ZFHX3: variants seen among roughly 807,000 people sequenced by gnomAD.
ZFHX3 encodes the protein zinc finger homeobox 3.
Under a neutral mutation model 279.1 loss-of-function variants are expected in ZFHX3, and 42 were observed. The ratio of observed to expected loss-of-function variants is 0.15; its 90% CI spans 0.12 to 0.19. The LOEUF is 0.19. ZFHX3 is among the 10% of genes least tolerant of loss of function. ZFHX3 has a pLI of 1.00. For synonymous variants in ZFHX3, 2,293 were observed against 1,957.8 expected (o/e 1.17, Z -4.52); for missense variants, 4,981 against 4,754.0 (o/e 1.05, Z -1.40).
At chr16:73,556,621 G>A (rs577319459) in intron 2 of ZFHX3, among the ~76,000 whole-genome samples, 1 of 152,160 alleles carries the variant, frequency 6.6e-6, no homozygotes, top group South Asian at 2.1e-4. Flanking sequence ...CATGGGGAGG[G>A]TTAGGAAAGA....
At chr16:73,007,742 C>A (rs529296864) in intron 1 of ZFHX3, among the ~76,000 whole-genome samples, 1 of 152,136 alleles carries the variant, frequency 6.6e-6, no homozygotes, top group Non-Finnish European at 1.5e-5. Context: ...AGCCACCGCG[C>A]AAGGCCAGAA....
At chr16:73,792,016 C>A (rs751804369) in intron 1 of ZFHX3, among the ~76,000 whole-genome samples, 1 of 152,110 alleles carries the variant, frequency 6.6e-6, no homozygotes, top group Non-Finnish European at 1.5e-5. Context: ...AATGGCAGAG[C>A]CAGAATGAAG....
intron 3 of ZFHX3, among the ~76,000 whole-genome samples, chr16:73,448,724 C>T (rs1017865625): frequency 6.1e-4 from 39 of 63,874 alleles, no homozygotes; most frequent in African/African-American, 1.7e-3. Flanking sequence ...GTGTGTGTAT[C>T]TTCCTCTTTT....
chr16:73,551,226 T>A (rs560858266), intron 2 of ZFHX3, among the ~76,000 whole-genome samples: 104 of 152,078 alleles, frequency 6.8e-4, no homozygotes, highest in Non-Finnish European at 1.2e-3. Context: ...TGATATTGCA[T>A]GAGAAGGGAA....
At chr16:72,818,826 C>A (rs1328659270) in intron 5 of ZFHX3, among the ~76,000 whole-genome samples, 1 of 152,180 alleles carries the variant, frequency 6.6e-6, no homozygotes. Flanking sequence ...AAAACACCTA[C>A]CCCTAAAAGT....
At chr16:73,262,618 A>G (rs902777214) in intron 4 of ZFHX3, among the ~76,000 whole-genome samples, 1 of 152,218 alleles carries the variant, frequency 6.6e-6, no homozygotes, top group Non-Finnish European at 1.5e-5. Flanking sequence ...TGGCATCATC[A>G]ACCAGAAGCA....
rs80275432 is a variant in ZFHX3 at position 72,900,304 on chromosome 16, C to T, written c.3217-10342G>A. Among the ~76,000 whole-genome samples the T allele has an allele frequency of 2.7e-3, 411 of 152,224 alleles. 1 individual carries two copies. The highest frequency in any genetic ancestry group is 4.9e-3 in the Non-Finnish European group (331 of 68,022). ...CTGAAATGCCTGGAAGACACTTCCC[C>T]GATTCTCCAAATCCACTCAAGAATT... On this transcript the variant is annotated intron_variant, in intron 3 of 9. Coordinates refer to ENST00000268489, the MANE Select transcript of ZFHX3 (RefSeq NM_006885.4).
At chr16:73,623,306 G>A (rs1483218484) in intron 2 of ZFHX3, among the ~76,000 whole-genome samples, 1 of 152,102 alleles carries the variant, frequency 6.6e-6, no homozygotes, top group Non-Finnish European at 1.5e-5. Flanking sequence ...AAAGCACTGG[G>A]ATTACAGGCT....
At chr16:73,349,239 A>G (rs1327807059) in intron 3 of ZFHX3, among the ~76,000 whole-genome samples, 3 of 152,154 alleles carry the variant, frequency 2.0e-5, no homozygotes, top group African/African-American at 4.8e-5. Flanking sequence ...GAAGGCAACA[A>G]TCCCCGGGAA....
At chr16:73,151,269 C>T (rs950357650) in intron 5 of ZFHX3, among the ~76,000 whole-genome samples, 2 of 151,936 alleles carry the variant, frequency 1.3e-5, no homozygotes, top group South Asian at 4.2e-4. Context: ...TAAAATAAAA[C>T]GTACAACACA....
At chr16:73,868,390 G>C (rs1282464710) in intron 1 of ZFHX3, among the ~76,000 whole-genome samples, 2 of 152,316 alleles carry the variant, frequency 1.3e-5, no homozygotes, top group East Asian at 3.9e-4. Context: ...CGGGCCTGGT[G>C]GCATGTGCCT....
At chr16:73,081,354 G>A (rs1206975658) in intron 8 of ZFHX3, 1 of 151,890 alleles carries the variant, frequency 6.6e-6, no homozygotes, top group African/African-American at 2.4e-5. Context: ...TCGCCTCCCA[G>A]GTTCAAGCAA....
intron 2 of ZFHX3, among the ~76,000 whole-genome samples, chr16:73,507,092 C>T (rs150598780): frequency 1.5e-4 from 23 of 152,266 alleles, no homozygotes; most frequent in African/African-American, 5.5e-4. Flanking sequence ...GTATTCAATA[C>T]CCAGTCCAGT....
At chr16:73,779,044 C>T (rs1959358813) in intron 1 of ZFHX3, among the ~76,000 whole-genome samples, 1 of 152,176 alleles carries the variant, frequency 6.6e-6, no homozygotes, top group East Asian at 1.9e-4. Flanking sequence ...CAGCTCCGCC[C>T]TAGGGTGGGG....
intron 2 of ZFHX3, among the ~76,000 whole-genome samples, chr16:73,587,152 ACT>A (rs1335667900): frequency 1.8e-4 from 27 of 152,188 alleles, no homozygotes; most frequent in African/African-American, 4.8e-5. Context: ...GAGAGGCCCA[ACT>A]CTGTTTCGAA....
At chr16:73,590,865 C>T (rs2051987356) in intron 2 of ZFHX3, among the ~76,000 whole-genome samples, 1 of 152,098 alleles carries the variant, frequency 6.6e-6, no homozygotes, top group African/African-American at 2.4e-5. Context: ...CATGTGTCAT[C>T]TCCTGATGGG....
At chr16:72,801,811 T>C (rs975619573) in intron 7 of ZFHX3, among the ~76,000 whole-genome samples, 1 of 151,762 alleles carries the variant, frequency 6.6e-6, no homozygotes, top group Non-Finnish European at 1.5e-5. Context: ...TTCTGACTAG[T>C]GTGGTTGGGG....
intron 7 of ZFHX3, among the ~76,000 whole-genome samples, chr16:72,801,070 G>T (rs978807275): frequency 6.6e-6 from 1 of 152,206 alleles, no homozygotes; most frequent in Non-Finnish European, 1.5e-5. Context: ...AAAGATCAAA[G>T]GTTCTTCATT....
intron 7 of ZFHX3, among the ~76,000 whole-genome samples, chr16:72,805,143 AT>A (rs959071920): frequency 1.1e-4 from 17 of 147,846 alleles, no homozygotes; most frequent in South Asian, 2.1e-4. Flanking sequence ...ACGCCCAGCT[AT>A]TTTTTTTTTG....
Sources: allele counts gnomAD v4.1 joint callset (sites outside exome capture counted in the v4.1 genomes callset), GRCh38; gene constraint gnomAD v4.1.1; transcripts MANE v1.5; gene names NCBI Gene and HGNC (gene_info 2026-07-23, HGNC 2026-07-21).